Variants in RARB observed in about 807,000 individuals in gnomAD.
RARB encodes HBV-activated protein.
Under a neutral mutation model 51.9 loss-of-function variants are expected in RARB, and 17 were observed. The observed-to-expected ratio is 0.33, with a 90% confidence interval of 0.22 to 0.49. The LOEUF (loss-of-function observed/expected upper bound fraction) is 0.49, where lower values mean the gene tolerates loss of function less well. RARB is among the 20% of genes least tolerant of loss of function. The probability of loss-of-function intolerance (pLI) is 0.99; values close to 1 mark genes in which losing one functional copy is unlikely to be tolerated. For synonymous variants in RARB, 215 were observed against 195.4 expected, an observed-to-expected ratio of 1.10 and a Z score of -0.84; for missense variants, 369 against 550.8, an observed-to-expected ratio of 0.67 and a Z score of 3.30.
intron 5 of RARB, among the ~76,000 whole-genome samples, chr3:25,268,722 G>C (rs1205197625): frequency 1.3e-5 from 2 of 152,008 alleles, no homozygotes; most frequent in Admixed American, 6.6e-5. Flanking sequence ...TTTCATTTTG[G>C]TTTCTCTCAA....
intron 2 of RARB, among the ~76,000 whole-genome samples, chr3:24,933,480 G>C (rs777454241): frequency 4.1e-4 from 63 of 152,180 alleles, no homozygotes; most frequent in Non-Finnish European, 7.8e-4. Flanking sequence ...TGTTGGCTTT[G>C]TCAGGTTCTT....
chr3:25,402,907 G>A (rs1036503358), intron 5 of RARB, among the ~76,000 whole-genome samples: 1 of 152,158 alleles, frequency 6.6e-6, no homozygotes, highest in African/African-American at 2.4e-5. Context: ...GCTCACGCCT[G>A]TAATCCCAGC....
At chr3:25,004,657 T>C (rs981686754) in intron 2 of RARB, among the ~76,000 whole-genome samples, 2 of 152,282 alleles carry the variant, frequency 1.3e-5, no homozygotes, top group Middle Eastern at 3.4e-3. Context: ...CCATAGCTTA[T>C]GATATTGTCA....
chr3:25,465,432 T>A (rs1301558903), intron 2 of RARB, among the ~76,000 whole-genome samples: 1 of 152,196 alleles, frequency 6.6e-6, no homozygotes, highest in Admixed American at 6.5e-5. Flanking sequence ...AAAGTAGGAC[T>A]CCCAAACAGA....
At chr3:25,128,251 G>GT (rs1291411628) in intron 3 of RARB, among the ~76,000 whole-genome samples, 4 of 151,958 alleles carry the variant, frequency 2.6e-5, no homozygotes, top group Non-Finnish European at 4.4e-5. Flanking sequence ...TCTTGGCTTA[G>GT]TTATCTGACT....
At chr3:25,187,877 T>C (rs999424782) in intron 5 of RARB, among the ~76,000 whole-genome samples, 7 of 152,152 alleles carry the variant, frequency 4.6e-5, no homozygotes, top group Admixed American at 2.6e-4. Flanking sequence ...TGTTTTAGTG[T>C]GTTTGAGACA....
At chr3:25,508,172 T>C (rs925389461) in intron 3 of RARB, among the ~76,000 whole-genome samples, 3 of 152,210 alleles carry the variant, frequency 2.0e-5, no homozygotes, top group Admixed American at 2.0e-4. Flanking sequence ...AATTGAATAA[T>C]CTCTGAATTT....
At chr3:24,949,668 C>T (rs535880868) in intron 2 of RARB, among the ~76,000 whole-genome samples, 1 of 152,170 alleles carries the variant, frequency 6.6e-6, no homozygotes, top group Non-Finnish European at 1.5e-5. Flanking sequence ...CTTCTTGAAT[C>T]CTTCAATTCT....
At chr3:25,088,028 G>T (rs1036660143) in intron 3 of RARB, among the ~76,000 whole-genome samples, 3 of 151,972 alleles carry the variant, frequency 2.0e-5, no homozygotes, top group Non-Finnish European at 4.4e-5. Context: ...TCACAAGAAG[G>T]TTGTAAAGGA....
At chr3:25,080,091 G>A (rs1383367555) in intron 3 of RARB, among the ~76,000 whole-genome samples, 1 of 152,096 alleles carries the variant, frequency 6.6e-6, no homozygotes, top group Non-Finnish European at 1.5e-5. Context: ...CAGTAACTCT[G>A]CCATCCTCTC....
intron 3 of RARB, among the ~76,000 whole-genome samples, chr3:25,078,833 A>G (rs1262412709): frequency 6.6e-6 from 1 of 152,054 alleles, no homozygotes; most frequent in Admixed American, 6.6e-5. Flanking sequence ...ACCCGGCTGA[A>G]CTTTGTATTT....
chr3:25,544,716 A>G (rs7635240), intron 3 of RARB, among the ~76,000 whole-genome samples: 21,639 of 152,042 alleles, frequency 0.14, 1,951 homozygotes, highest in African/African-American at 0.25. Context: ...TACACATTAC[A>G]GGCAATATCT....
intron 5 of RARB, among the ~76,000 whole-genome samples, chr3:25,402,220 G>A (rs929754768): frequency 1.3e-5 from 2 of 152,196 alleles, no homozygotes; most frequent in Non-Finnish European, 2.9e-5. Flanking sequence ...ATTCCAAGCT[G>A]GATAAAACCC....
intron 2 of RARB, among the ~76,000 whole-genome samples, chr3:25,000,953 G>A (rs1697146971): frequency 6.6e-6 from 1 of 152,034 alleles, no homozygotes; most frequent in Non-Finnish European, 1.5e-5. Flanking sequence ...GTTGATACTT[G>A]GACAAAATTA....
At chr3:25,131,029 T>C (rs1242603460) in intron 3 of RARB, among the ~76,000 whole-genome samples, 1 of 149,822 alleles carries the variant, frequency 6.7e-6, no homozygotes, top group Admixed American at 6.7e-5. Context: ...ATTATATATT[T>C]TATCAATGAT....
At chr3:25,449,725 A>G (rs1314865443) in intron 1 of RARB, among the ~76,000 whole-genome samples, 1 of 151,390 alleles carries the variant, frequency 6.6e-6, no homozygotes, top group East Asian at 1.9e-4. Context: ...AAGAAATAGT[A>G]AAACTAGACT....
chr3:25,105,116 CTAAAGG>C (rs1699474813), intron 3 of RARB, among the ~76,000 whole-genome samples: 1 of 152,036 alleles, frequency 6.6e-6, no homozygotes, highest in African/African-American at 2.4e-5. Flanking sequence ...CATTGTTACG[CTAAAGG>C]TAAAATATTT....
chr3:25,421,146 T>C (rs954970316), intron 5 of RARB, among the ~76,000 whole-genome samples: 2 of 152,026 alleles, frequency 1.3e-5, no homozygotes, highest in African/African-American at 2.4e-5. Context: ...CTTTATAGTA[T>C]ATATAAATAT....
intron 1 of RARB, among the ~76,000 whole-genome samples, chr3:25,430,946 T>G (rs1258179995): frequency 6.7e-6 from 1 of 148,714 alleles, no homozygotes; most frequent in African/African-American, 2.5e-5. Context: ...GGTCAGTTGT[T>G]CCAACGATTT....
Sources: gnomAD v4.1 joint callset for allele counts (sites outside exome capture counted in the v4.1 genomes callset) on GRCh38, gnomAD v4.1.1 for gene constraint, MANE v1.5 for transcripts, NCBI Gene and HGNC (gene_info 2026-07-23, HGNC 2026-07-21) for gene names.